The following ASIC2 variants were observed in gnomAD, a reference collection of about 807,000 sequenced individuals.
ASIC2 encodes acid sensing ion channel subunit 2.
ASIC2 carries 25 observed loss-of-function variants against 57.3 expected under a neutral mutation model. The ratio of observed to expected loss-of-function variants is 0.44; its 90% CI spans 0.32 to 0.61. The LOEUF (loss-of-function observed/expected upper bound fraction) is 0.61. Among genes scored for constraint, ASIC2 ranks in the 20% least tolerant of loss-of-function variants. The probability of loss-of-function intolerance (pLI) is 0.06; values close to 1 mark genes in which losing one functional copy is unlikely to be tolerated. For missense variants in ASIC2, 641 were observed against 738.1 expected (o/e 0.87, Z 1.52); for synonymous variants, 319 against 307.5 (o/e 1.04, Z -0.39).
intron 1 of ASIC2, among the ~76,000 whole-genome samples, chr17:33,890,531 G>A (rs1408029547): frequency 6.6e-6 from 1 of 152,306 alleles, no homozygotes; most frequent in Non-Finnish European, 1.5e-5. Flanking sequence ...AAGAGGAGGT[G>A]GCAGAGGCCC....
chr17:33,287,651 C>G (rs778460889), intron 1 of ASIC2, among the ~76,000 whole-genome samples: 21 of 152,206 alleles, frequency 1.4e-4, no homozygotes, highest in African/African-American at 5.1e-4. Flanking sequence ...AAACACATCT[C>G]GAGTGGGCCT....
At chr17:33,669,088 G>A (rs567991998) in intron 1 of ASIC2, among the ~76,000 whole-genome samples, 185 of 152,204 alleles carry the variant, frequency 1.2e-3, no homozygotes, top group African/African-American at 4.2e-3. Context: ...TCAGACTTTG[G>A]GTTTGTTGAT....
intron 1 of ASIC2, among the ~76,000 whole-genome samples, chr17:33,161,483 C>T (rs984626575): frequency 4.6e-5 from 7 of 152,194 alleles, no homozygotes; most frequent in Non-Finnish European, 7.4e-5. Flanking sequence ...GCCATATCTC[C>T]ACCTTGTCCC....
intron 3 of ASIC2, among the ~76,000 whole-genome samples, chr17:33,045,332 T>C (rs1463165844): frequency 6.6e-6 from 1 of 152,162 alleles, no homozygotes. Flanking sequence ...CGACGCACCA[T>C]TATAATCACA....
At chr17:33,286,885 A>G (rs1489516071) in intron 1 of ASIC2, among the ~76,000 whole-genome samples, 2 of 152,200 alleles carry the variant, frequency 1.3e-5, no homozygotes, top group Non-Finnish European at 2.9e-5. Context: ...AACTTAGTAT[A>G]TAGTTGACCT....
chr17:33,869,738 G>A (rs1914339757), intron 1 of ASIC2, among the ~76,000 whole-genome samples: 1 of 152,212 alleles, frequency 6.6e-6, no homozygotes, highest in South Asian at 2.1e-4. Flanking sequence ...GGCTAAGAGT[G>A]AGAAGTGAGA....
At chr17:33,828,744 T>C (rs926898497) in intron 1 of ASIC2, among the ~76,000 whole-genome samples, 1 of 152,220 alleles carries the variant, frequency 6.6e-6, no homozygotes, top group African/African-American at 2.4e-5. Context: ...ACTTTGGTGT[T>C]TCATTGCCCA....
chr17:33,969,301 C>G (rs1005888408), intron 1 of ASIC2, among the ~76,000 whole-genome samples: 2 of 152,144 alleles, frequency 1.3e-5, no homozygotes, highest in African/African-American at 4.8e-5. Context: ...TGGTACATAG[C>G]CAATGCTCAG....
At chr17:33,138,830 T>A (rs544841532) in intron 1 of ASIC2, among the ~76,000 whole-genome samples, 13 of 152,310 alleles carry the variant, frequency 8.5e-5, no homozygotes, top group East Asian at 5.8e-4. Context: ...ATTGACATTT[T>A]AAAAAAATGC....
intron 1 of ASIC2, among the ~76,000 whole-genome samples, chr17:33,755,421 A>C (rs1910573694): frequency 6.6e-6 from 1 of 152,160 alleles, no homozygotes; most frequent in African/African-American, 2.4e-5. Flanking sequence ...ACAGGAAACG[A>C]ATACAGCATC....
chr17:33,454,244 C>T (rs1464221830), intron 1 of ASIC2, among the ~76,000 whole-genome samples: 1 of 152,226 alleles, frequency 6.6e-6, no homozygotes, highest in Non-Finnish European at 1.5e-5. Context: ...GGCAGTGTGG[C>T]CTGCCCCTTG....
chr17:33,583,551 A>G (rs1904513632), intron 1 of ASIC2, among the ~76,000 whole-genome samples: 1 of 152,214 alleles, frequency 6.6e-6, no homozygotes, highest in South Asian at 2.1e-4. Context: ...CAGCCATTAT[A>G]GCTATGTCTG....
At chr17:33,470,331 C>T (rs1913006753) in intron 1 of ASIC2, among the ~76,000 whole-genome samples, 1 of 152,198 alleles carries the variant, frequency 6.6e-6, no homozygotes, top group African/African-American at 2.4e-5. Flanking sequence ...CCCTTTTAGA[C>T]CCTCTGTTTC....
intron 1 of ASIC2, among the ~76,000 whole-genome samples, chr17:33,924,704 A>G (rs1015985343): frequency 5.3e-5 from 8 of 152,020 alleles, no homozygotes; most frequent in African/African-American, 1.9e-4. Context: ...GACAGCAGAG[A>G]GAGGATGCAA....
At chr17:33,567,856 AT>A (rs532971482) in intron 1 of ASIC2, among the ~76,000 whole-genome samples, 436 of 148,524 alleles carry the variant, frequency 2.9e-3, no homozygotes, top group African/African-American at 8.9e-3. Flanking sequence ...GATTCCATGC[AT>A]TTTTTTTTTG....
At chr17:33,634,852 C>A (rs148930783) in intron 1 of ASIC2, 3,263 of 152,108 alleles carry the variant, frequency 0.021, 45 homozygotes, top group Non-Finnish European at 0.033. Context: ...TGCGCCCGGA[C>A]GAGAGAACTT....
At chr17:33,512,379 G>T (rs575263092) in intron 1 of ASIC2, among the ~76,000 whole-genome samples, 1 of 152,288 alleles carries the variant, frequency 6.6e-6, no homozygotes, top group Non-Finnish European at 1.5e-5. Context: ...AAGGCTAGTT[G>T]GTCATAGCTG....
At chr17:33,554,655 T>G (rs1198148172) in intron 1 of ASIC2, among the ~76,000 whole-genome samples, 2 of 151,994 alleles carry the variant, frequency 1.3e-5, no homozygotes, top group African/African-American at 4.8e-5. Context: ...GAGGAAGAAG[T>G]TGACAGGCAA....
chr17:33,895,166 A>ATT lies in ASIC2; in HGVS notation c.555+260810_555+260811dup, dbSNP rs11387427. Among the ~76,000 whole-genome samples, 704 of 143,954 alleles carry ATT rather than the reference A, an allele frequency of 4.9e-3. 8 individuals are homozygous for ATT. The highest frequency in any genetic ancestry group is 5.7e-3 in the East Asian group (28 of 4,880). 94.4% of individuals were successfully genotyped at this position (143,954 alleles called of 152,430 possible). A position where few individuals can be genotyped will look rare whatever the true frequency, so the allele number is the denominator to read the frequency against. ...GGCAAGCATTGAAGTTTTTTTTGCTATTTTTTTTTTTTTTTAGATGGAGTC... is the reference window on the plus strand; with the variant it reads ...GGCAAGCATTGAAGTTTTTTTTGCTATTTTTTTTTTTTTTTTTAGATGGAGTC... On this transcript the variant is annotated intron_variant, in intron 1 of 9. Coordinates refer to the ASIC2 transcript ENST00000359872.
Sources: allele counts gnomAD v4.1 joint callset (sites outside exome capture counted in the v4.1 genomes callset), GRCh38; gene constraint gnomAD v4.1.1; transcripts MANE v1.5; gene names NCBI Gene and HGNC (gene_info 2026-07-23, HGNC 2026-07-21).